The following CNTN1 variants were observed in gnomAD, a reference collection of about 807,000 sequenced individuals.
CNTN1 encodes the protein contactin 1.
In CNTN1, 38 loss-of-function variants were observed where a neutral mutation model predicts 126.4. The observed-to-expected ratio is 0.30, with a 90% confidence interval of 0.23 to 0.39. The LOEUF (loss-of-function observed/expected upper bound fraction) is 0.39. Ranked by LOEUF, CNTN1 falls within the 10% of genes least tolerant of loss-of-function variation. CNTN1 has a pLI of 1.00. For synonymous variants in CNTN1, 413 were observed against 422.6 expected (o/e 0.98, Z 0.28); for missense variants, 1,009 against 1,248.4 (o/e 0.81, Z 2.89).
At chr12:40,908,637 C>A in intron 2 of CNTN1, 144 bp downstream of exon 2, 2 of 571,142 alleles carry the variant, frequency 3.5e-6, no homozygotes, top group South Asian at 2.2e-5. Context: ...TCAAGGGTGA[C>A]CCTATTTCCT....
intron 1 of CNTN1, among the ~76,000 whole-genome samples, chr12:40,696,319 T>C (rs1211119423): frequency 6.6e-6 from 1 of 152,226 alleles, no homozygotes; most frequent in Non-Finnish European, 1.5e-5. Context: ...TTTCCTCTAG[T>C]CCAAGTGTTC....
intron 1 of CNTN1, among the ~76,000 whole-genome samples, chr12:40,696,171 G>A (rs1223888819): frequency 6.6e-6 from 1 of 152,212 alleles, no homozygotes; most frequent in Non-Finnish European, 1.5e-5. Context: ...TGCTATTGTA[G>A]CAATTGTAAT....
At chr12:41,065,248 G>T (rs1366267181) in intron 23 of CNTN1, among the ~76,000 whole-genome samples, 1 of 152,082 alleles carries the variant, frequency 6.6e-6, no homozygotes, top group Non-Finnish European at 1.5e-5. Flanking sequence ...GTAGAAACGG[G>T]GTTTCACCGT....
chr12:40,887,785 C>T (rs1592208083), intron 1 of CNTN1, among the ~76,000 whole-genome samples: 3 of 152,110 alleles, frequency 2.0e-5, no homozygotes, highest in African/African-American at 4.8e-5. Context: ...CAACGATAGA[C>T]TGGATTAAGA....
At chr12:40,966,036 A>ACACACACACG (rs1379183927) in intron 15 of CNTN1, among the ~76,000 whole-genome samples, 1 of 149,198 alleles carries the variant, frequency 6.7e-6, no homozygotes, top group African/African-American at 2.5e-5. Flanking sequence ...ACACACACAC[A>ACACACACACG]CACGCACGCA....
chr12:40,802,007 G>A (rs564569896), intron 1 of CNTN1, among the ~76,000 whole-genome samples: 3 of 151,970 alleles, frequency 2.0e-5, no homozygotes, highest in Admixed American at 2.0e-4. Flanking sequence ...TTAGGGGATA[G>A]AAAAAGGAAT....
chr12:40,835,799 TACACACACACACACAC>T (rs10556497), intron 1 of CNTN1, among the ~76,000 whole-genome samples: 12 of 142,446 alleles, frequency 8.4e-5, no homozygotes, highest in African/African-American at 2.1e-4. Context: ...ATGCTATTTA[TACACACACACACACAC>T]ACACACACAC....
intron 1 of CNTN1, among the ~76,000 whole-genome samples, chr12:40,859,996 T>C (rs1436647354): frequency 1.3e-5 from 2 of 152,130 alleles, no homozygotes; most frequent in Non-Finnish European, 2.9e-5. Flanking sequence ...ACTGTTTTCC[T>C]TGAAATAGAA....
At chr12:40,969,781 TGA>T (rs1270297354) in intron 15 of CNTN1, among the ~76,000 whole-genome samples, 3 of 152,074 alleles carry the variant, frequency 2.0e-5, no homozygotes, top group African/African-American at 7.2e-5. Context: ...TGCAAGTGAG[TGA>T]GAGTTAGCAT....
chr12:40,779,944 A>G (rs1429417697), intron 1 of CNTN1, among the ~76,000 whole-genome samples: 1 of 151,902 alleles, frequency 6.6e-6, no homozygotes, highest in Non-Finnish European at 1.5e-5. Context: ...GGAAGACTAA[A>G]TCTCCCCAAA....
chr12:40,744,380 A>G (rs116771061), intron 1 of CNTN1, among the ~76,000 whole-genome samples: 39 of 152,194 alleles, frequency 2.6e-4, no homozygotes, highest in African/African-American at 9.1e-4. Flanking sequence ...AGATCCATCA[A>G]TTTCAGTAGA....
chr12:40,816,429 T>C (rs1209160373), intron 1 of CNTN1, among the ~76,000 whole-genome samples: 1 of 152,210 alleles, frequency 6.6e-6, no homozygotes, highest in Admixed American at 6.5e-5. Flanking sequence ...TTTTCCAGTT[T>C]ATTTGCATAG....
intron 16 of CNTN1, among the ~76,000 whole-genome samples, chr12:40,991,927 C>T (rs1592371563): frequency 6.6e-6 from 1 of 152,328 alleles, no homozygotes; most frequent in Middle Eastern, 3.4e-3. Flanking sequence ...CAAAACTTCA[C>T]TTTACTTCTT....
intron 7 of CNTN1, 107 bp from the exon 8 acceptor site, chr12:40,933,354 A>C (rs1001470110): frequency 4.3e-5 from 35 of 822,734 alleles, no homozygotes; most frequent in Admixed American, 8.7e-5. Flanking sequence ...TGTACAGAGA[A>C]AAGCTTCCAT....
chr12:40,743,699 TTAGA>T (rs750571802), intron 1 of CNTN1, among the ~76,000 whole-genome samples: 71 of 152,162 alleles, frequency 4.7e-4, no homozygotes, highest in Admixed American at 1.6e-3. Context: ...ATTCTGGATA[TTAGA>T]TAGATTGCAA....
chr12:40,814,981 T>C (rs1941210777), intron 1 of CNTN1, among the ~76,000 whole-genome samples: 1 of 152,120 alleles, frequency 6.6e-6, no homozygotes, highest in Non-Finnish European at 1.5e-5. Context: ...TCACTCATGA[T>C]TTGGCTCTCT....
chr12:40,787,245 C>T (rs1940058432), intron 1 of CNTN1, among the ~76,000 whole-genome samples: 1 of 151,984 alleles, frequency 6.6e-6, no homozygotes, highest in Non-Finnish European at 1.5e-5. Flanking sequence ...CGAACAATTC[C>T]ATGGTCTCTC....
At position 40,705,638 on chromosome 12, in the gene CNTN1, G is replaced by A. The variant is rs181247803; in HGVS notation, c.-77+13046G>A. 9.2e-5 allele frequency among the ~76,000 whole-genome samples: 14 copies of A among 152,080 alleles called. No individual in the cohort carries two copies. The East Asian group carries it at 1.9e-3, about 21-fold the overall frequency. ...GCTGGTGCGCTGCACCCACTAACTC[G>A]TCATCTAGCATTAGGTATATCTCCC... On this transcript the variant is annotated intron_variant, in intron 1 of 23. Transcript: ENST00000551295.
At chr12:40,902,303 G>A (rs1430760571) in intron 1 of CNTN1, among the ~76,000 whole-genome samples, 1 of 152,134 alleles carries the variant, frequency 6.6e-6, no homozygotes, top group Non-Finnish European at 1.5e-5. Flanking sequence ...AGGGACTTGA[G>A]CAGCAGAGGA....
Sources: allele counts gnomAD v4.1 joint callset (sites outside exome capture counted in the v4.1 genomes callset), GRCh38; gene constraint gnomAD v4.1.1; transcripts MANE v1.5; gene names NCBI Gene and HGNC (gene_info 2026-07-23, HGNC 2026-07-21).